EEF1AKMT2: variants seen among roughly 807,000 people sequenced by gnomAD.
The protein encoded by EEF1AKMT2 is EEF1A lysine methyltransferase 2.
In EEF1AKMT2, 32 loss-of-function variants were observed where a neutral mutation model predicts 35.8. The observed-to-expected ratio is 0.89, with a 90% confidence interval of 0.67 to 1.20. The LOEUF (loss-of-function observed/expected upper bound fraction) is 1.20. Ranked by LOEUF, EEF1AKMT2 falls within the 50% of genes most tolerant of loss-of-function variation. The pLI is 0.00. For synonymous variants in EEF1AKMT2, 121 were observed against 133.7 expected (o/e 0.91, Z 0.65); for missense variants, 330 against 347.5 (o/e 0.95, Z 0.40).
At chr10:124,781,078 T>C (rs1186799266) in intron 3 of EEF1AKMT2, among the ~76,000 whole-genome samples, 1 of 151,938 alleles carries the variant, frequency 6.6e-6, no homozygotes, top group South Asian at 2.1e-4. Flanking sequence ...CCTGAGTAGC[T>C]GGGACTACAA....
intron 4 of EEF1AKMT2, among the ~76,000 whole-genome samples, chr10:124,774,316 G>A (rs1403363800): frequency 7.6e-5 from 10 of 131,936 alleles, no homozygotes; most frequent in Non-Finnish European, 9.3e-5. Flanking sequence ...GCAGTAAGCC[G>A]AGATGGCGCC....
intron 3 of EEF1AKMT2, among the ~76,000 whole-genome samples, chr10:124,783,307 T>C (rs1950559122): frequency 6.6e-6 from 1 of 151,964 alleles, no homozygotes; most frequent in African/African-American, 2.4e-5. Context: ...CACGTCTGGC[T>C]AATTTTTGTA....
chr10:124,787,909 A>G (rs1053926165), intron 3 of EEF1AKMT2, among the ~76,000 whole-genome samples: 4 of 152,166 alleles, frequency 2.6e-5, no homozygotes, highest in Non-Finnish European at 4.4e-5. Flanking sequence ...TACACACACT[A>G]TATCTCAATG....
At chr10:124,774,919 T>C (rs1437704927) in intron 3 of EEF1AKMT2, 137 bp from the exon 4 acceptor site, 4 of 352,580 alleles carry the variant, frequency 1.1e-5, no homozygotes, top group African/African-American at 8.6e-5. Context: ...TTCATAATGC[T>C]TAAATTTTAT....
chr10:124,791,420 C>G (rs4962700), intron 1 of EEF1AKMT2, among the ~76,000 whole-genome samples: 36,981 of 152,044 alleles, frequency 0.24, 5,788 homozygotes, highest in Middle Eastern at 0.32. Context: ...CCCTCTCCCC[C>G]TTTCCCCCAA....
chr10:124,771,289 T>C (rs12779234), intron 4 of EEF1AKMT2, among the ~76,000 whole-genome samples: 2,632 of 151,782 alleles, frequency 0.017, 38 homozygotes, highest in South Asian at 0.074. Context: ...TTAGTAGAGA[T>C]GGGGTTTCAC....
downstream of EEF1AKMT2, among the ~76,000 whole-genome samples, chr10:124,756,682 T>C (rs1157133976): frequency 6.6e-6 from 1 of 152,168 alleles, no homozygotes; most frequent in African/African-American, 2.4e-5. Context: ...TCCAGGGATT[T>C]TGCTAAGGTC....
At chr10:124,760,556 T>C (rs568661972) in intron 6 of EEF1AKMT2, 53 bp from the exon 7 acceptor site, 129 of 1,356,246 alleles carry the variant, frequency 9.5e-5, no homozygotes, top group Non-Finnish European at 1.3e-4. Flanking sequence ...CATACTTACA[T>C]GTATTTATAT....
intron 3 of EEF1AKMT2, among the ~76,000 whole-genome samples, chr10:124,786,848 A>G (rs1950588973): frequency 6.6e-6 from 1 of 152,112 alleles, no homozygotes; most frequent in Non-Finnish European, 1.5e-5. Context: ...AATAATCTAC[A>G]AGCTATTAAT....
At chr10:124,790,029 C>T (rs1950620481) in intron 2 of EEF1AKMT2, among the ~76,000 whole-genome samples, 1 of 151,298 alleles carries the variant, frequency 6.6e-6, no homozygotes, top group African/African-American at 2.4e-5. Flanking sequence ...GTAGCTGGGA[C>T]TACAGGCGCG....
At chr10:124,772,777 A>G (rs561359954) in intron 4 of EEF1AKMT2, among the ~76,000 whole-genome samples, 1 of 152,296 alleles carries the variant, frequency 6.6e-6, no homozygotes, top group East Asian at 1.9e-4. Flanking sequence ...GCTAGCTTCA[A>G]ACTTTTCTTC....
intron 3 of EEF1AKMT2, among the ~76,000 whole-genome samples, chr10:124,784,702 G>A (rs1180214490): frequency 3.3e-5 from 5 of 152,096 alleles, no homozygotes; most frequent in Non-Finnish European, 5.9e-5. Flanking sequence ...AGGCCAAGAT[G>A]GGTGGATCAC....
At chr10:124,770,759 C>A (rs1412619395) in intron 4 of EEF1AKMT2, among the ~76,000 whole-genome samples, 1 of 152,190 alleles carries the variant, frequency 6.6e-6, no homozygotes, top group Non-Finnish European at 1.5e-5. Context: ...ATGGAATATT[C>A]AAAATCCTTT....
At chr10:124,777,602 C>T (rs1950499151) in intron 3 of EEF1AKMT2, among the ~76,000 whole-genome samples, 1 of 152,068 alleles carries the variant, frequency 6.6e-6, no homozygotes, top group Non-Finnish European at 1.5e-5. Flanking sequence ...TTACTGCAGC[C>T]TTGCCTCCTG....
intron 3 of EEF1AKMT2, among the ~76,000 whole-genome samples, chr10:124,788,710 T>TATATATATATATATATATATATA (rs1950608376): frequency 2.2e-5 from 2 of 92,506 alleles, no homozygotes; most frequent in Admixed American, 1.2e-4. Flanking sequence ...AAGGTCATCT[T>TATATATATATATATATATATATA]TATATATATA....
intron 4 of EEF1AKMT2, among the ~76,000 whole-genome samples, chr10:124,769,871 G>A (rs999316985): frequency 5.6e-5 from 8 of 141,824 alleles, no homozygotes; most frequent in Non-Finnish European, 1.1e-4. Context: ...GCTTGAAACC[G>A]GGAGGCAGAG....
At chr10:124,762,886 T>C (rs1950344304) in intron 5 of EEF1AKMT2, among the ~76,000 whole-genome samples, 1 of 152,190 alleles carries the variant, frequency 6.6e-6, no homozygotes, top group South Asian at 2.1e-4. Flanking sequence ...ATAAAAATTT[T>C]CTGTCTGTAT....
At chr10:124,779,527 A>G (rs1171532242) in intron 3 of EEF1AKMT2, among the ~76,000 whole-genome samples, 1 of 148,168 alleles carries the variant, frequency 6.7e-6, no homozygotes, top group African/African-American at 2.5e-5. Context: ...CGGGTGGATC[A>G]CGAGGTCAGG....
intron 4 of EEF1AKMT2, among the ~76,000 whole-genome samples, 184 bp downstream of exon 4, chr10:124,774,491 C>G (rs1950471710): frequency 7.1e-6 from 1 of 141,596 alleles, no homozygotes. Flanking sequence ...AACAAACATA[C>G]AGAAGAAAAA....
Sources: allele counts gnomAD v4.1 joint callset (sites outside exome capture counted in the v4.1 genomes callset), GRCh38; gene constraint gnomAD v4.1.1; transcripts MANE v1.5; gene names NCBI Gene and HGNC (gene_info 2026-07-23, HGNC 2026-07-21).